The following FLT4 variants were observed in gnomAD, a reference collection of about 807,000 sequenced individuals.
The protein encoded by FLT4 is vascular endothelial growth factor receptor 3.
In FLT4, 30 loss-of-function variants were observed where a neutral mutation model predicts 163.2. The observed-to-expected ratio is 0.18, with a 90% CI of 0.14 to 0.25. The LOEUF (loss-of-function observed/expected upper bound fraction) is 0.25, where lower values mean the gene tolerates loss of function less well. FLT4 is among the 10% of genes least tolerant of loss of function. FLT4 has a pLI of 1.00. For synonymous variants in FLT4, 884 were observed against 789.5 expected (o/e 1.12, Z -2.01); for missense variants, 1,510 against 1,863.8 (o/e 0.81, Z 3.50).
At chr5:180,618,204 A>G (rs1762816114) in intron 21 of FLT4, among the ~76,000 whole-genome samples, 1 of 77,938 alleles carries the variant, frequency 1.3e-5, no homozygotes, top group Non-Finnish European at 2.6e-5. Flanking sequence ...CCTGCCCCTC[A>G]GCCTCTGGGA....
intron 1 of FLT4, among the ~76,000 whole-genome samples, chr5:180,637,330 GAAA>G (rs375090031): frequency 2.5e-5 from 3 of 118,800 alleles, no homozygotes; most frequent in Non-Finnish European, 5.2e-5. Context: ...TCCGTCTCAG[GAAA>G]AAAAAAAAAA....
chr5:180,616,580 G>T, intron 22 of FLT4, 91 bp from the exon 23 acceptor site: 1 of 1,410,186 alleles, frequency 7.1e-7, no homozygotes, highest in Non-Finnish European at 9.9e-7. Flanking sequence ...AAGCAGTGGG[G>T]ACCATGGGGA....
intron 27 of FLT4, 77 bp from the exon 28 acceptor site, chr5:180,610,102 C>CT (rs1762056010): frequency 6.2e-7 from 1 of 1,602,472 alleles, no homozygotes; most frequent in South Asian, 1.1e-5. Flanking sequence ...TGTCCCTGTG[C>CT]CCCCTCTTCT....
chr5:180,610,428 C>G (rs1762086861), intron 27 of FLT4, among the ~76,000 whole-genome samples: 2 of 152,228 alleles, frequency 1.3e-5, no homozygotes, highest in Admixed American at 6.5e-5. Context: ...GTGGAAGGAG[C>G]CTGGCAGAAT....
intron 10 of FLT4, 133 bp from the exon 11 acceptor site, chr5:180,624,194 C>T: frequency 2.0e-6 from 2 of 994,026 alleles, no homozygotes; most frequent in South Asian, 2.7e-5. Context: ...GGCCCTCGGG[C>T]CTGGGTGAGG....
In FLT4 at chr5:180,606,485, G is replaced by A. The variant is rs540996778; in HGVS notation, c.3893+2483C>T. Among the ~76,000 whole-genome samples the A allele has an allele frequency of 3.9e-5, 6 of 152,286 alleles. No homozygotes were observed. In the East Asian group the frequency reaches 9.7e-4, roughly 25 times the overall value. On this transcript the variant is annotated intron_variant, in intron 29 of 29. Transcript: ENST00000261937. ...ACCATGGTGCAGGCTCAGCCGTGCG[G>A]GTCCTGGCGTTGAGTCCCCAACTCA...
At chr5:180,622,595 T>C in intron 12 of FLT4, 136 bp downstream of exon 12, 1 of 694,448 alleles carries the variant, frequency 1.4e-6, no homozygotes, top group Non-Finnish European at 2.6e-6. Flanking sequence ...CCCTTAAATC[T>C]ATTTTTCCTG....
At position 180,602,065 on chromosome 5, in the gene FLT4, G is replaced by C. The variant is rs1453973599; in HGVS notation, c.*1127C>G. On this transcript the variant is annotated 3_prime_UTR_variant, in exon 30 of 30. Coordinates refer to ENST00000261937, the MANE Select transcript of FLT4 (RefSeq NM_182925.5). ...ATCTCTCGGCTGCTCCTCTGGGAGG[G>C]CGGCATTCTGACCAGCCAGGGTGCT... The C allele has an allele frequency of 4.3e-6, 1 of 233,410 alleles. No individual in the cohort carries two copies. The highest frequency in any genetic ancestry group is 8.5e-6 in the Non-Finnish European group (1 of 118,236). 14.5% of individuals were successfully genotyped at this position (233,410 alleles called of 1,614,324 possible). A position where few individuals can be genotyped will look rare whatever the true frequency, so the allele number is the denominator to read the frequency against.
At chr5:180,628,120 G>T (rs1763779217) in intron 8 of FLT4, among the ~76,000 whole-genome samples, 1 of 152,198 alleles carries the variant, frequency 6.6e-6, no homozygotes, top group Non-Finnish European at 1.5e-5. Flanking sequence ...TCAGTGCAGA[G>T]ACCCCTCCTG....
chr5:180,648,764 C>T (rs915971582), intron 1 of FLT4, among the ~76,000 whole-genome samples: 10 of 152,230 alleles, frequency 6.6e-5, no homozygotes, highest in Non-Finnish European at 1.3e-4. Context: ...CTCTCCTGTG[C>T]AGGGGACCCT....
intron 8 of FLT4, among the ~76,000 whole-genome samples, 170 bp from the exon 9 acceptor site, chr5:180,626,435 C>T (rs1454962246): frequency 6.6e-6 from 1 of 152,158 alleles, no homozygotes; most frequent in African/African-American, 2.4e-5. Context: ...TGGAGATGGT[C>T]TCCAGGCCGT....
At chr5:180,611,937 G>C (rs1489335746) in intron 26 of FLT4, among the ~76,000 whole-genome samples, 1 of 152,144 alleles carries the variant, frequency 6.6e-6, no homozygotes, top group Non-Finnish European at 1.5e-5. Context: ...TCAGGAACTG[G>C]GGCCAGCACT....
rs142457545 is a variant in FLT4, at chr5:180,614,120, C to A, written c.3279G>T (p.Thr1093=). 6.2e-6 allele frequency: 10 copies of A among 1,613,908 alleles called. No individual in the cohort carries two copies. Among genetic ancestry groups the A allele is most frequent in the South Asian group, 4.4e-5 (4 of 91,084 alleles). ...PESIFDKVYT[T]QSDVWSFGVL... ...CCCCAAAGGACCACACGTCACTCTG[C>A]GTGGTGTACACCTTGTCGAAGATGC... Residue 1093 remains threonine, a synonymous_variant, in exon 24 of 30, where the codon ACG becomes ACT. Coordinates refer to ENST00000261937, the MANE Select transcript of FLT4 (RefSeq NM_182925.5).
Position 180,629,215 on chromosome 5 carries a change from C to T in FLT4, c.985+44G>A, listed in dbSNP as rs568856101. 64 of 1,609,750 alleles carry T rather than the reference C, an allele frequency of 4.0e-5. No individual in the cohort carries two copies. The East Asian group carries it at 6.7e-4, about 17-fold the overall frequency. The stretch of plus-strand genomic sequence containing the variant: ...GCTCAAGGGCACCGTGAGCTCTGGG[C>T]CCAGGCCCACAGGGCACAAGGACCC... On this transcript the variant is annotated intron_variant, in intron 7 of 29. Transcript: ENST00000261937.
chr5:180,629,404 G>T lies in FLT4; in HGVS notation c.840C>A (p.Pro280=). 6.2e-7 allele frequency: 1 copy of T among 1,611,504 alleles called. No individual in the cohort carries two copies. Among genetic ancestry groups the T allele is most frequent in the Non-Finnish European group, 8.5e-7 (1 of 1,179,966 alleles). Residue 280 remains proline, a synonymous_variant, in exon 7 of 30, where the codon CCC becomes CCA. Coordinates refer to ENST00000261937, the MANE Select transcript of FLT4 (RefSeq NM_182925.5). ...GKQAERGKWV[P]ERRSQQTHTE... The stretch of plus-strand genomic sequence containing the variant: ...TGTGGGTCTGCTGGGAGCGTCGCTC[G>T]GGCACCCACTTACCCCGCTCTGCCT...
Position 180,609,066 on chromosome 5 carries a change from G to A in FLT4, c.3808-13C>T. The A allele has an allele frequency of 6.2e-7, 1 of 1,613,242 alleles. No individual in the cohort carries two copies. The highest frequency in any genetic ancestry group is 8.5e-7 in the Non-Finnish European group (1 of 1,179,182). On this transcript the variant is annotated splice_polypyrimidine_tract_variant and intron_variant, in intron 28 of 29. Transcript: ENST00000261937. ...CTGTCTGGTTGTCCTGTGTGGAGAG[G>A]ACAAGCCAGGCTGTGGGTCCCGCCT...
At position 180,629,620 on chromosome 5, in the gene FLT4, G is replaced by A. The variant is rs414348; in HGVS notation, c.816+76C>T. The A allele has an allele frequency of 0.99, 1,526,751 of 1,544,910 alleles. 756,058 individuals carry two copies. Among genetic ancestry groups the A allele is most frequent in the East Asian group, 1 (43,007 of 43,008 alleles). On this transcript the variant is annotated intron_variant, in intron 6 of 29. Coordinates refer to ENST00000261937, the MANE Select transcript of FLT4 (RefSeq NM_182925.5). Reference sequence around the variant, plus strand: ...AGGCCTGGGCCCACACATCCTCCACGCGGAGGCCCAGTGTGTGCTGTACAG... The same window carrying A: ...AGGCCTGGGCCCACACATCCTCCACACGGAGGCCCAGTGTGTGCTGTACAG...
At position 180,603,090 on chromosome 5, in the gene FLT4, C is replaced by T; in HGVS notation, c.*102G>A. ...GAGAGGGAAGAGGACACTCCTGTGC[C>T]ACCAGAGTTCAACCAGATGAGTTCC... On this transcript the variant is annotated 3_prime_UTR_variant, in exon 30 of 30. Transcript: ENST00000261937. The T allele has an allele frequency of 1.8e-6, 2 of 1,134,510 alleles. No individual in the cohort carries two copies. The highest frequency in any genetic ancestry group is 1.3e-5 in the South Asian group (1 of 77,244). The allele number at this position is 1,134,510 out of a possible 1,614,324, so 70.3% of individuals were successfully genotyped here.
At chr5:180,608,919 G>A (rs1055056759) in intron 29 of FLT4, 49 bp downstream of exon 29, 1 of 1,488,562 alleles carries the variant, frequency 6.7e-7, no homozygotes, top group South Asian at 1.1e-5. Context: ...CTCCTCCAGG[G>A]GAGGGCAACA....
Sources: gnomAD v4.1 joint callset for allele counts (sites outside exome capture counted in the v4.1 genomes callset) on GRCh38, gnomAD v4.1.1 for gene constraint, MANE v1.5 for transcripts, NCBI Gene and HGNC (gene_info 2026-07-23, HGNC 2026-07-21) for gene names.